Variants in CACNA2D1 observed in about 807,000 individuals in gnomAD.
The protein encoded by CACNA2D1 is voltage-dependent calcium channel subunit alpha-2/delta-1.
CACNA2D1 carries 53 observed loss-of-function variants against 171.5 expected under a neutral mutation model. The ratio of observed to expected loss-of-function variants is 0.31; its 90% CI spans 0.25 to 0.39. CACNA2D1 has a LOEUF of 0.39. Among genes scored for constraint, CACNA2D1 ranks in the 10% least tolerant of loss-of-function variants. The pLI is 1.00. For synonymous variants in CACNA2D1, 442 were observed against 443.1 expected (o/e 1.00, Z 0.03); for missense variants, 903 against 1,299.8 (o/e 0.69, Z 4.69).
At chr7:82,068,254 G>A (rs139174255) in intron 7 of CACNA2D1, among the ~76,000 whole-genome samples, 26 of 151,848 alleles carry the variant, frequency 1.7e-4, no homozygotes, top group South Asian at 4.2e-4. Flanking sequence ...CTCCAGCCCC[G>A]CCCCCTGCCC....
At position 82,038,149 on chromosome 7, in the gene CACNA2D1, C is replaced by T. The variant is rs1172254353; in HGVS notation, c.966G>A (p.Val322=). 6.2e-7 allele frequency: 1 copy of T among 1,613,738 alleles called. No homozygotes were observed. The highest frequency in any genetic ancestry group is 1.7e-5 in the Admixed American group (1 of 60,022). ...VRNKKVLKDA[V]NNITAKGITD... ...TAATTCCTTTGGCTGTGATATTATTCACCGCGTCTTTCAACACTTTTTTAT... is the reference window on the plus strand; with the variant it reads ...TAATTCCTTTGGCTGTGATATTATTTACCGCGTCTTTCAACACTTTTTTAT... Residue 322 remains valine, a synonymous_variant, in exon 11 of 39, where the codon GTG becomes GTA. Transcript: ENST00000356860.
In CACNA2D1 at chr7:82,266,673, C is replaced by T. The variant is rs898392164; in HGVS notation, c.294+68462G>A. Among the ~76,000 whole-genome samples, 4 of 151,994 alleles carry T rather than the reference C, an allele frequency of 2.6e-5. No individual in the cohort carries two copies. In the East Asian group the frequency reaches 5.8e-4, roughly 22 times the overall value. ...GCAGGATTACAGGTACCTATCACCA[C>T]GCCTGGCTAGTTTTTGTATTTTTAG... On this transcript the variant is annotated intron_variant, in intron 3 of 38. Transcript: ENST00000356860.
At chr7:82,273,108 C>T (rs371418890) in intron 3 of CACNA2D1, among the ~76,000 whole-genome samples, 15 of 151,954 alleles carry the variant, frequency 9.9e-5, no homozygotes, top group Admixed American at 8.5e-4. Context: ...AAGTGAGATG[C>T]CATTTGTTAT....
At chr7:82,368,680 G>A (rs906205125) in intron 1 of CACNA2D1, among the ~76,000 whole-genome samples, 1 of 152,102 alleles carries the variant, frequency 6.6e-6, no homozygotes, top group Non-Finnish European at 1.5e-5. Flanking sequence ...ATAAATTACA[G>A]CCATAGGAAC....
chr7:82,206,246 A>AAT (rs928457308), intron 3 of CACNA2D1, among the ~76,000 whole-genome samples: 34 of 151,470 alleles, frequency 2.2e-4, no homozygotes, highest in East Asian at 5.8e-4. Context: ...TTGGTAGATA[A>AAT]ATATATATAT....
At chr7:82,344,599 C>T (rs1484517162) in intron 2 of CACNA2D1, among the ~76,000 whole-genome samples, 2 of 152,120 alleles carry the variant, frequency 1.3e-5, no homozygotes, top group African/African-American at 2.4e-5. Flanking sequence ...TAGCTTCTTA[C>T]TTAAAAAACT....
chr7:82,312,970 T>C (rs1341166986), intron 3 of CACNA2D1, among the ~76,000 whole-genome samples: 5 of 152,168 alleles, frequency 3.3e-5, no homozygotes, highest in African/African-American at 7.2e-5. Flanking sequence ...CTTGTTTCCA[T>C]AGAAATGCCT....
chr7:81,955,980 A>ATT (rs1164601123), intron 38 of CACNA2D1, among the ~76,000 whole-genome samples: 133 of 34,502 alleles, frequency 3.9e-3, no homozygotes, highest in Middle Eastern at 0.036. Context: ...ATATATATAT[A>ATT]TTTTTTTTTT....
chr7:82,166,052 A>G (rs38539), intron 4 of CACNA2D1, among the ~76,000 whole-genome samples: 150,499 of 152,102 alleles, frequency 0.99, 74,456 homozygotes, highest in East Asian at 1. Context: ...ATATTCAAAA[A>G]TGTTTCTGCT....
intron 1 of CACNA2D1, among the ~76,000 whole-genome samples, chr7:82,431,341 G>A (rs1829656329): frequency 6.6e-6 from 1 of 152,148 alleles, no homozygotes; most frequent in African/African-American, 2.4e-5. Context: ...ACATAATGAA[G>A]CCTGGCTATT....
rs199938853 is a variant in CACNA2D1 at position 82,340,341 on chromosome 7, GTT to G, written c.178-5092_178-5091del. Among the ~76,000 whole-genome samples, 8 of 133,232 alleles carry G rather than the reference GTT, an allele frequency of 6.0e-5. No individual in the cohort carries two copies. In the East Asian group the frequency reaches 8.6e-4, roughly 14 times the overall value. 87.4% of individuals were successfully genotyped at this position (133,232 alleles called of 152,430 possible). A position where few individuals can be genotyped will look rare whatever the true frequency, so the allele number is the denominator to read the frequency against. On this transcript the variant is annotated intron_variant, in intron 2 of 38. Transcript: ENST00000356860. ...CTTAATTTGGCTAAGTTTGTTTTTT[GTT>G]TTTTTTTTTTTTTAATAGGATCTCA... is the stretch of plus-strand genomic sequence containing the variant.
At chr7:82,247,243 C>T (rs1232385643) in intron 3 of CACNA2D1, among the ~76,000 whole-genome samples, 1 of 152,148 alleles carries the variant, frequency 6.6e-6, no homozygotes, top group South Asian at 2.1e-4. Context: ...GGCACAGTGG[C>T]TCACACCTGT....
At chr7:81,989,831 T>C (rs1797346625) in intron 21 of CACNA2D1, among the ~76,000 whole-genome samples, 1 of 152,266 alleles carries the variant, frequency 6.6e-6, no homozygotes, top group Non-Finnish European at 1.5e-5. Context: ...AAGGAATTTC[T>C]GCTAAATAAA....
chr7:82,214,989 C>T (rs564749047), intron 3 of CACNA2D1, among the ~76,000 whole-genome samples: 5 of 152,256 alleles, frequency 3.3e-5, no homozygotes, highest in African/African-American at 1.2e-4. Flanking sequence ...AAGCATTTAG[C>T]CATATGTTGA....
At chr7:82,431,821 T>C (rs972087560) in intron 1 of CACNA2D1, among the ~76,000 whole-genome samples, 2 of 151,842 alleles carry the variant, frequency 1.3e-5, no homozygotes, top group African/African-American at 4.8e-5. Flanking sequence ...GGTGGATTAC[T>C]GAGGTCAGGT....
intron 4 of CACNA2D1, among the ~76,000 whole-genome samples, chr7:82,157,244 A>G (rs1794464652): frequency 6.6e-6 from 1 of 152,172 alleles, no homozygotes; most frequent in Non-Finnish European, 1.5e-5. Flanking sequence ...TACTGTGAAA[A>G]GAAACAAAAT....
intron 1 of CACNA2D1, among the ~76,000 whole-genome samples, chr7:82,429,970 T>C (rs1342928410): frequency 6.6e-6 from 1 of 152,144 alleles, no homozygotes; most frequent in Non-Finnish European, 1.5e-5. Flanking sequence ...GGCCCATTTG[T>C]TTAAGTCCCC....
At chr7:82,302,076 A>G (rs1165140144) in intron 3 of CACNA2D1, among the ~76,000 whole-genome samples, 1 of 152,168 alleles carries the variant, frequency 6.6e-6, no homozygotes, top group Non-Finnish European at 1.5e-5. Flanking sequence ...TATATTTTAT[A>G]GACAGAATAT....
chr7:82,020,132 A>G (rs1316074174), intron 12 of CACNA2D1, among the ~76,000 whole-genome samples: 1 of 152,200 alleles, frequency 6.6e-6, no homozygotes, highest in Non-Finnish European at 1.5e-5. Flanking sequence ...TGCAGCCTGC[A>G]AAGTTTTGGT....
Sources: allele counts gnomAD v4.1 joint callset (sites outside exome capture counted in the v4.1 genomes callset), GRCh38; gene constraint gnomAD v4.1.1; transcripts MANE v1.5; gene names NCBI Gene and HGNC (gene_info 2026-07-23, HGNC 2026-07-21).